The following FAM174B variants were observed in gnomAD, a reference collection of about 807,000 sequenced individuals.
FAM174B encodes family with sequence similarity 174 member B, also known as membrane protein FAM174B.
In FAM174B, 12 loss-of-function variants were observed where a neutral mutation model predicts 10.9. That is an observed-to-expected ratio of 1.10 (90% CI 0.71 to 1.79). The LOEUF is 1.79. FAM174B is among the 40% of genes most tolerant of loss of function. The pLI, the probability that FAM174B is intolerant of heterozygous loss-of-function variation, is 0.00. For missense variants in FAM174B, 266 were observed against 233.3 expected (o/e 1.14, Z -0.91); for synonymous variants, 132 against 115.8 (o/e 1.14, Z -0.90).
In FAM174B at chr15:92,619,068, A is replaced by T. The variant is rs2050700793; in HGVS notation, c.*388T>A. Reference sequence around the variant, plus strand: ...CTAAATACACAGTTGGACATCCTTCAGGCTTGTTTTAGATTCTTGATCCTC... The same window carrying T: ...CTAAATACACAGTTGGACATCCTTCTGGCTTGTTTTAGATTCTTGATCCTC... On this transcript the variant is annotated 3_prime_UTR_variant, in exon 3 of 3. Transcript: ENST00000327355. 1 of 614,900 alleles carries T rather than the reference A, an allele frequency of 1.6e-6. No homozygotes were observed. The highest frequency in any genetic ancestry group is 2.9e-6 in the Non-Finnish European group (1 of 344,498). 38.1% of individuals were successfully genotyped at this position (614,900 alleles called of 1,614,324 possible). A position where few individuals can be genotyped will look rare whatever the true frequency, so the allele number is the denominator to read the frequency against.
rs114050246 is a variant in FAM174B, at chr15:92,653,580, C to A, written c.344+1736G>T. Among the ~76,000 whole-genome samples, 446 of 152,358 alleles carry A rather than the reference C, an allele frequency of 2.9e-3. 2 individuals are homozygous for A. The highest frequency in any genetic ancestry group is 0.01 in the African/African-American group (422 of 41,598). ...AGACACGAAGATGAACTGGACTTCC[C>A]AACCTCAAGGGCCCTCTGCTGAGTG... On this transcript the variant is annotated intron_variant, in intron 1 of 2. Transcript: ENST00000327355.
intron 1 of FAM174B, among the ~76,000 whole-genome samples, chr15:92,638,818 C>T (rs1028104085): frequency 3.9e-5 from 6 of 152,142 alleles, no homozygotes; most frequent in Admixed American, 2.0e-4. Context: ...CTCCTTCTTC[C>T]GAATCCTGCA....
At chr15:92,642,631 G>A (rs1472745805) in intron 1 of FAM174B, among the ~76,000 whole-genome samples, 1 of 152,184 alleles carries the variant, frequency 6.6e-6, no homozygotes, top group Non-Finnish European at 1.5e-5. Flanking sequence ...CTGCCACCAT[G>A]AGGACATGTT....
rs774246957 is a variant in FAM174B at position 92,650,037 on chromosome 15, C to A, written c.344+5279G>T. ...GCTGGACCTTCTAACCATGGCTCCACCCAAAACTCCAATTTACTAAAATAA... is the reference window on the plus strand; with the variant it reads ...GCTGGACCTTCTAACCATGGCTCCAACCAAAACTCCAATTTACTAAAATAA... On this transcript the variant is annotated intron_variant, in intron 1 of 2. Transcript: ENST00000327355. Among the ~76,000 whole-genome samples the A allele has an allele frequency of 2.7e-4, 41 of 152,204 alleles. No homozygotes were observed. The East Asian group carries it at 3.3e-3, about 12-fold the overall frequency.
chr15:92,618,992 G>T lies in FAM174B; in HGVS notation c.*464C>A, dbSNP rs1447458795. 9 of 595,052 alleles carry T rather than the reference G, an allele frequency of 1.5e-5. No homozygotes were observed. In the East Asian group the frequency reaches 2.2e-4, roughly 15 times the overall value. The allele number at this position is 595,052 out of a possible 1,614,324, so 36.9% of individuals were successfully genotyped here. ...TGACCAAGCCAAAAAAGCAGCAAAG[G>T]ATCAGATGGGGTCCAATGTGTAGAT... is the stretch of plus-strand genomic sequence containing the variant. On this transcript the variant is annotated 3_prime_UTR_variant, in exon 3 of 3. Coordinates refer to ENST00000327355, the MANE Select transcript of FAM174B (RefSeq NM_207446.3).
chr15:92,644,148 C>T (rs2050910544), intron 1 of FAM174B, among the ~76,000 whole-genome samples: 4 of 152,114 alleles, frequency 2.6e-5, no homozygotes, highest in Admixed American at 2.6e-4. Context: ...CACTCTTCAG[C>T]CCTAGCCTCT....
At chr15:92,636,475 G>A (rs1387164908) in intron 1 of FAM174B, among the ~76,000 whole-genome samples, 2 of 152,184 alleles carry the variant, frequency 1.3e-5, no homozygotes, top group African/African-American at 4.8e-5. Flanking sequence ...CAGGGAAGCC[G>A]ACTTGCCCAC....
At chr15:92,620,443 A>G (rs945062902) in intron 2 of FAM174B, among the ~76,000 whole-genome samples, 1 of 152,198 alleles carries the variant, frequency 6.6e-6, no homozygotes, top group African/African-American at 2.4e-5. Context: ...GCTCGCAGTG[A>G]GCAGAGATCG....
chr15:92,643,344 ATGTGTGTGTGTGTGTGTGTG>A (rs61322216), intron 1 of FAM174B, among the ~76,000 whole-genome samples: 1 of 138,090 alleles, frequency 7.2e-6, no homozygotes, highest in African/African-American at 2.6e-5. Context: ...TAGGGAAGGA[ATGTGTGTGTGTGTGTGTGTG>A]TGTGTGTGTG....
chr15:92,629,199 TTAC>T (rs2050774253), intron 2 of FAM174B, among the ~76,000 whole-genome samples: 1 of 152,188 alleles, frequency 6.6e-6, no homozygotes, highest in African/African-American at 2.4e-5. Flanking sequence ...TGTTCCACTT[TTAC>T]TACTAATTGG....
Position 92,626,081 on chromosome 15 carries a change from C to G in FAM174B, c.476+4133G>C, listed in dbSNP as rs897180654. 1.3e-5 allele frequency among the ~76,000 whole-genome samples: 2 copies of G among 151,170 alleles called. 1 individual carries two copies. The highest frequency in any genetic ancestry group is 4.2e-4 in the South Asian group (2 of 4,784). ...ACCCAAAGATTCCACATTTATCCTA[C>G]AAGAATTAATAAAAGTTTAGCAAGG... is the stretch of plus-strand genomic sequence containing the variant. On this transcript the variant is annotated intron_variant, in intron 2 of 2. Coordinates refer to ENST00000327355, the MANE Select transcript of FAM174B (RefSeq NM_207446.3).
chr15:92,637,638 T>C (rs182533533), intron 1 of FAM174B, among the ~76,000 whole-genome samples: 2 of 152,320 alleles, frequency 1.3e-5, no homozygotes, highest in East Asian at 1.9e-4. Flanking sequence ...CTGCCCCTTA[T>C]AGAAACAATG....
intron 1 of FAM174B, among the ~76,000 whole-genome samples, chr15:92,653,560 C>T (rs1317940005): frequency 1.3e-5 from 2 of 152,180 alleles, no homozygotes; most frequent in East Asian, 1.9e-4. Context: ...CATGGAGACA[C>T]GAAGATGAAC....
At chr15:92,629,813 T>C (rs926909109) in intron 2 of FAM174B, among the ~76,000 whole-genome samples, 1 of 152,136 alleles carries the variant, frequency 6.6e-6, no homozygotes, top group Non-Finnish European at 1.5e-5. Flanking sequence ...GGGCTGGGCC[T>C]TCCCGTGCTG....
intron 1 of FAM174B, among the ~76,000 whole-genome samples, chr15:92,638,697 G>T (rs948843497): frequency 7.2e-5 from 11 of 152,152 alleles, no homozygotes; most frequent in African/African-American, 2.7e-4. Flanking sequence ...GTGTGGTCCG[G>T]GTTCTGATGA....
At chr15:92,633,521 A>G (rs2050832749) in intron 1 of FAM174B, among the ~76,000 whole-genome samples, 1 of 152,174 alleles carries the variant, frequency 6.6e-6, no homozygotes. Context: ...GCCTTATCAC[A>G]AAGCATTTTT....
chr15:92,641,096 C>T (rs766368630), intron 1 of FAM174B, among the ~76,000 whole-genome samples: 3 of 151,978 alleles, frequency 2.0e-5, no homozygotes, highest in Non-Finnish European at 4.4e-5. Flanking sequence ...ACCTAAATGG[C>T]TCCGCATTCT....
intron 1 of FAM174B, among the ~76,000 whole-genome samples, chr15:92,647,370 T>G (rs995056074): frequency 6.6e-6 from 1 of 152,194 alleles, no homozygotes; most frequent in Non-Finnish European, 1.5e-5. Context: ...TTTTAATACA[T>G]GGCTCCCCTG....
rs111956823 is a variant in FAM174B, at chr15:92,640,605, G to A, written c.345-10260C>T. Among the ~76,000 whole-genome samples the A allele has an allele frequency of 1.5e-3, 216 of 146,514 alleles. 2 individuals are homozygous for A. The highest frequency in any genetic ancestry group is 2.6e-3 in the Non-Finnish European group (175 of 67,112). ...AAAAGTCAAAGGAAATGATATACTG[G>A]GAGAACTATTTCCAACTCATCATAA... On this transcript the variant is annotated intron_variant, in intron 1 of 2. Transcript: ENST00000327355.
Sources: gnomAD v4.1 joint callset for allele counts (sites outside exome capture counted in the v4.1 genomes callset) on GRCh38, gnomAD v4.1.1 for gene constraint, MANE v1.5 for transcripts, NCBI Gene and HGNC (gene_info 2026-07-23, HGNC 2026-07-21) for gene names.